Variants in APPBP2 observed in about 807,000 individuals in gnomAD.
APPBP2 encodes amyloid protein-binding protein 2.
Under a neutral mutation model 76.0 loss-of-function variants are expected in APPBP2, and 15 were observed. The observed-to-expected ratio is 0.20, with a 90% CI of 0.13 to 0.30. The LOEUF (loss-of-function observed/expected upper bound fraction) is 0.30, where lower values mean the gene tolerates loss of function less well. APPBP2 is among the 10% of genes least tolerant of loss of function. The pLI, the probability that APPBP2 is intolerant of heterozygous loss-of-function variation, is 1.00. For missense variants in APPBP2, 401 were observed against 687.2 expected, an observed-to-expected ratio of 0.58 and a Z score of 4.66; for synonymous variants, 222 against 242.2, an observed-to-expected ratio of 0.92 and a Z score of 0.77.
At chr17:60,492,074 A>G (rs2090734504) in intron 3 of APPBP2, among the ~76,000 whole-genome samples, 1 of 152,154 alleles carries the variant, frequency 6.6e-6, no homozygotes, top group Non-Finnish European at 1.5e-5. Flanking sequence ...ACTCATAGCT[A>G]AAAGGGACCA....
chr17:60,494,347 A>G, intron 3 of APPBP2, 119 bp downstream of exon 3: 1 of 1,059,474 alleles, frequency 9.4e-7, no homozygotes, highest in Admixed American at 2.7e-5. Context: ...AGTGGTTCTG[A>G]TGTTCTTCTC....
chr17:60,473,823 T>G (rs546936759), intron 4 of APPBP2, among the ~76,000 whole-genome samples: 9 of 152,356 alleles, frequency 5.9e-5, no homozygotes, highest in African/African-American at 2.2e-4. Context: ...CCATAGTTAT[T>G]TGAGTCATCT....
At chr17:60,484,498 T>A (rs1407386212) in intron 3 of APPBP2, among the ~76,000 whole-genome samples, 1 of 152,204 alleles carries the variant, frequency 6.6e-6, no homozygotes, top group Non-Finnish European at 1.5e-5. Context: ...CAACTGTGAA[T>A]GGGAGTTCAC....
chr17:60,447,978 T>C (rs1416164377), intron 12 of APPBP2, 144 bp from the exon 13 acceptor site: 1 of 777,978 alleles, frequency 1.3e-6, no homozygotes, highest in East Asian at 2.7e-5. Context: ...AATTCTTGTA[T>C]CAGCATCCCC....
chr17:60,489,940 AAGG>A (rs1203066724), intron 3 of APPBP2, among the ~76,000 whole-genome samples: 1 of 151,906 alleles, frequency 6.6e-6, no homozygotes, highest in Admixed American at 6.6e-5. Flanking sequence ...GAGGCTGAGG[AAGG>A]AGAATAGCTT....
intron 4 of APPBP2, among the ~76,000 whole-genome samples, chr17:60,466,681 C>T (rs188874995): frequency 2.3e-3 from 355 of 152,016 alleles, no homozygotes; most frequent in Admixed American, 4.0e-3. Flanking sequence ...ATTGTTGATT[C>T]CTTCTCTAAA....
At chr17:60,511,107 A>C (rs984643166) in intron 1 of APPBP2, among the ~76,000 whole-genome samples, 1 of 152,238 alleles carries the variant, frequency 6.6e-6, no homozygotes, top group Non-Finnish European at 1.5e-5. Context: ...GGAAGTTCAA[A>C]ACAAAAATCT....
Position 60,526,007 on chromosome 17 carries a change from T to A in APPBP2, c.-76A>T, listed in dbSNP as rs1386487017. 3.5e-6 allele frequency: 5 copies of A among 1,436,150 alleles called. No individual in the cohort carries two copies. In the African/African-American group the frequency reaches 7.1e-5, roughly 20 times the overall value. The allele number at this position is 1,436,150 out of a possible 1,614,324, so 89.0% of individuals were successfully genotyped here. ...CACCTCCCTCCGTAGCGAACCCCTC[T>A]GCGGCCCCGGAGGATTCGGAGGGGC... On this transcript the variant is annotated 5_prime_UTR_variant, in exon 1 of 13. Transcript: ENST00000083182.
chr17:60,483,374 G>T (rs1359743898), intron 3 of APPBP2, among the ~76,000 whole-genome samples: 1 of 151,932 alleles, frequency 6.6e-6, no homozygotes, highest in African/African-American at 2.4e-5. Flanking sequence ...CCATTCTGTA[G>T]GTCGCCTGTT....
At chr17:60,479,020 G>C (rs1451299049) in intron 4 of APPBP2, 128 bp downstream of exon 4, 1 of 898,626 alleles carries the variant, frequency 1.1e-6, no homozygotes, top group Non-Finnish European at 1.6e-6. Context: ...CCAGACTAGT[G>C]AAACTATGAC....
chr17:60,454,665 T>C (rs1237330582), intron 10 of APPBP2, among the ~76,000 whole-genome samples, 173 bp from the exon 11 acceptor site: 2 of 152,232 alleles, frequency 1.3e-5, no homozygotes, highest in African/African-American at 2.4e-5. Context: ...AGTACACTTT[T>C]TGGTGGTCAT....
chr17:60,524,270 G>C (rs539287738), intron 1 of APPBP2, among the ~76,000 whole-genome samples: 33 of 152,244 alleles, frequency 2.2e-4, no homozygotes, highest in Admixed American at 1.2e-3. Flanking sequence ...TCCTCTGAGA[G>C]ATTACATATG....
At chr17:60,498,500 G>A (rs2090794966) in intron 2 of APPBP2, among the ~76,000 whole-genome samples, 3 of 152,108 alleles carry the variant, frequency 2.0e-5, no homozygotes, top group Admixed American at 1.3e-4. Context: ...GGCAGCAAGA[G>A]TTATAATAGC....
intron 3 of APPBP2, among the ~76,000 whole-genome samples, 155 bp from the exon 4 acceptor site, chr17:60,479,426 T>C (rs1207093585): frequency 6.6e-6 from 1 of 152,220 alleles, no homozygotes; most frequent in African/African-American, 2.4e-5. Flanking sequence ...TGTGAGATTT[T>C]TATATAAAGG....
chr17:60,498,393 G>A (rs2090793896), intron 2 of APPBP2, among the ~76,000 whole-genome samples: 1 of 152,116 alleles, frequency 6.6e-6, no homozygotes, highest in African/African-American at 2.4e-5. Context: ...AAGACTTCTT[G>A]AGTTGTCTTA....
intron 1 of APPBP2, among the ~76,000 whole-genome samples, chr17:60,512,855 G>A (rs57891296): frequency 0.013 from 1,582 of 118,854 alleles, 27 homozygotes; most frequent in African/African-American, 0.047. Context: ...AAAAAAAAAA[G>A]GAAAGGAAAA....
At chr17:60,490,029 C>T (rs2090713891) in intron 3 of APPBP2, among the ~76,000 whole-genome samples, 1 of 147,090 alleles carries the variant, frequency 6.8e-6, no homozygotes, top group African/African-American at 2.7e-5. Flanking sequence ...AGTGAGACTC[C>T]ATCTCAGAAA....
intron 10 of APPBP2, among the ~76,000 whole-genome samples, chr17:60,455,193 T>C (rs1014903028): frequency 1.3e-5 from 2 of 152,132 alleles, no homozygotes; most frequent in African/African-American, 4.8e-5. Flanking sequence ...AAAAAGGATA[T>C]ATGTAGAGAC....
At chr17:60,496,970 C>T (rs1453116321) in intron 2 of APPBP2, among the ~76,000 whole-genome samples, 1 of 152,208 alleles carries the variant, frequency 6.6e-6, no homozygotes, top group Non-Finnish European at 1.5e-5. Context: ...ATCCACCCAC[C>T]TTGGCCTCCC....
Sources: allele counts gnomAD v4.1 joint callset (sites outside exome capture counted in the v4.1 genomes callset), GRCh38; gene constraint gnomAD v4.1.1; transcripts MANE v1.5; gene names NCBI Gene and HGNC (gene_info 2026-07-23, HGNC 2026-07-21).